ZMAT4: variants seen among roughly 807,000 people sequenced by gnomAD.
The protein encoded by ZMAT4 is zinc finger matrin-type protein 4.
In ZMAT4, 17 loss-of-function variants were observed where a neutral mutation model predicts 28.7. The ratio of observed to expected loss-of-function variants is 0.59; its 90% confidence interval spans 0.41 to 0.89. The LOEUF is 0.89. Among genes scored for constraint, ZMAT4 ranks in the 40% least tolerant of loss-of-function variants. The pLI is 0.00. For synonymous variants in ZMAT4, 117 were observed against 109.2 expected (o/e 1.07, Z -0.44); for missense variants, 240 against 283.8 (o/e 0.85, Z 1.11).
chr8:40,878,623 T>C (rs1230888544), intron 1 of ZMAT4, among the ~76,000 whole-genome samples: 2 of 152,204 alleles, frequency 1.3e-5, no homozygotes, highest in Non-Finnish European at 2.9e-5. Context: ...AAAATATATT[T>C]GTTGTATAAG....
rs1242992969 is a variant in ZMAT4 at position 40,721,159 on chromosome 8, T to C, written c.193-23758A>G. Among the ~76,000 whole-genome samples, 7 of 137,038 alleles carry C rather than the reference T, an allele frequency of 5.1e-5. No individual in the cohort carries two copies. In the East Asian group the frequency reaches 1.6e-3, roughly 31 times the overall value. The allele number at this position is 137,038 out of a possible 152,430, so 89.9% of individuals were successfully genotyped here. On this transcript the variant is annotated intron_variant, in intron 3 of 6. Coordinates refer to ENST00000297737, the MANE Select transcript of ZMAT4 (RefSeq NM_024645.3). ...CCACCCCACCACAGTCCCTAGAGTG[T>C]GATATTCCCCTTCCTGTGTCCATGT...
intron 5 of ZMAT4, among the ~76,000 whole-genome samples, chr8:40,663,137 T>G (rs1808270760): frequency 6.6e-6 from 1 of 152,328 alleles, no homozygotes; most frequent in South Asian, 2.1e-4. Flanking sequence ...CAGCCTTCTC[T>G]TACCTTCATC....
chr8:40,873,412 G>A (rs913013119), intron 1 of ZMAT4, among the ~76,000 whole-genome samples: 2 of 152,118 alleles, frequency 1.3e-5, no homozygotes, highest in Non-Finnish European at 2.9e-5. Context: ...CCAAATCAAC[G>A]ACAGCCTTCT....
intron 2 of ZMAT4, among the ~76,000 whole-genome samples, chr8:40,779,356 G>C (rs966525812): frequency 3.9e-5 from 6 of 152,084 alleles, no homozygotes; most frequent in Non-Finnish European, 7.4e-5. Context: ...CTGAACTAAT[G>C]CAAGTACCCA....
chr8:40,870,942 G>C (rs1160397311), intron 1 of ZMAT4, among the ~76,000 whole-genome samples: 7 of 152,188 alleles, frequency 4.6e-5, no homozygotes, highest in Non-Finnish European at 1.0e-4. Context: ...ACAGTGGTAT[G>C]AGTGCATGTA....
chr8:40,791,331 G>A (rs910440500), intron 2 of ZMAT4, among the ~76,000 whole-genome samples: 4 of 152,192 alleles, frequency 2.6e-5, no homozygotes, highest in African/African-American at 9.6e-5. Flanking sequence ...GCTCCTAGGA[G>A]CTCCAAAGTA....
At chr8:40,556,773 A>G (rs768970084) in intron 6 of ZMAT4, among the ~76,000 whole-genome samples, 7 of 152,170 alleles carry the variant, frequency 4.6e-5, no homozygotes, top group Non-Finnish European at 1.0e-4. Flanking sequence ...ATGTGTAATG[A>G]TCAGGTCAGA....
intron 4 of ZMAT4, among the ~76,000 whole-genome samples, chr8:40,678,079 G>A (rs534217902): frequency 6.6e-6 from 1 of 152,170 alleles, no homozygotes; most frequent in African/African-American, 2.4e-5. Flanking sequence ...CCAAAGCATG[G>A]CCAATGTTGA....
chr8:40,845,858 A>C (rs1816874436), intron 1 of ZMAT4, among the ~76,000 whole-genome samples: 1 of 151,794 alleles, frequency 6.6e-6, no homozygotes, highest in Admixed American at 6.6e-5. Context: ...ACAATGATAG[A>C]GCCAAGCATC....
intron 6 of ZMAT4, among the ~76,000 whole-genome samples, chr8:40,577,936 T>C (rs1804323846): frequency 6.6e-6 from 1 of 151,900 alleles, no homozygotes; most frequent in East Asian, 1.9e-4. Context: ...ATTGAAAGAA[T>C]TAAAGAAGAT....
intron 3 of ZMAT4, 105 bp from the exon 4 acceptor site, chr8:40,697,506 T>C: frequency 7.6e-6 from 9 of 1,178,820 alleles, no homozygotes; most frequent in Non-Finnish European, 8.7e-6. Context: ...CTAGTTTTTG[T>C]TCTGCAAGCT....
chr8:40,707,225 C>CA (rs1406710004), intron 3 of ZMAT4, among the ~76,000 whole-genome samples: 1 of 134,580 alleles, frequency 7.4e-6, no homozygotes, highest in East Asian at 2.7e-4. Context: ...CCCCCCCACC[C>CA]CCCCACCCCC....
intron 5 of ZMAT4, among the ~76,000 whole-genome samples, chr8:40,650,630 G>A (rs1288640226): frequency 1.6e-5 from 2 of 122,042 alleles, no homozygotes; most frequent in East Asian, 2.7e-4. Flanking sequence ...CAAAAAAAGA[G>A]AATTTTAGAC....
At chr8:40,762,621 A>G (rs1413551479) in intron 3 of ZMAT4, among the ~76,000 whole-genome samples, 1 of 152,154 alleles carries the variant, frequency 6.6e-6, no homozygotes, top group African/African-American at 2.4e-5. Context: ...ATGCCACTGC[A>G]TTCCAGCCTG....
intron 1 of ZMAT4, among the ~76,000 whole-genome samples, chr8:40,878,130 A>C (rs575132191): frequency 1.3e-5 from 2 of 152,200 alleles, no homozygotes; most frequent in South Asian, 4.1e-4. Context: ...GAAAACATAT[A>C]GCGGCTCCTC....
At chr8:40,731,166 C>A (rs1811521663) in intron 3 of ZMAT4, among the ~76,000 whole-genome samples, 2 of 152,180 alleles carry the variant, frequency 1.3e-5, no homozygotes, top group Non-Finnish European at 2.9e-5. Flanking sequence ...GCAAGCCCCA[C>A]TTCCCCTGGT....
chr8:40,610,131 AACAAAACT>A (rs1314755523), intron 5 of ZMAT4, among the ~76,000 whole-genome samples: 1 of 152,252 alleles, frequency 6.6e-6, no homozygotes, highest in African/African-American at 2.4e-5. Flanking sequence ...TTTGAAAACA[AACAAAACT>A]ACAAAGAATC....
intron 1 of ZMAT4, among the ~76,000 whole-genome samples, chr8:40,880,184 A>G (rs1212065754): frequency 1.3e-5 from 2 of 152,162 alleles, no homozygotes; most frequent in Non-Finnish European, 2.9e-5. Context: ...CCTGGCCCAC[A>G]TGGTGAAACC....
At chr8:40,784,471 G>A (rs985989308) in intron 2 of ZMAT4, among the ~76,000 whole-genome samples, 4 of 152,094 alleles carry the variant, frequency 2.6e-5, no homozygotes, top group Admixed American at 6.6e-5. Context: ...TACTTAATAC[G>A]GAAATATTGA....
Sources: gnomAD v4.1 joint callset for allele counts (sites outside exome capture counted in the v4.1 genomes callset) on GRCh38, gnomAD v4.1.1 for gene constraint, MANE v1.5 for transcripts, NCBI Gene and HGNC (gene_info 2026-07-23, HGNC 2026-07-21) for gene names.